CEP95: variants seen among roughly 807,000 people sequenced by gnomAD.
The protein encoded by CEP95 is centrosomal protein of 95 kDa.
Under a neutral mutation model 111.2 loss-of-function variants are expected in CEP95, and 98 were observed. The observed-to-expected ratio is 0.88, with a 90% confidence interval of 0.75 to 1.04. The LOEUF is 1.04. Among genes scored for constraint, CEP95 ranks in the 50% least tolerant of loss-of-function variants. CEP95 has a pLI of 0.00. For missense variants in CEP95, 1,027 were observed against 977.2 expected, an observed-to-expected ratio of 1.05 and a Z score of -0.68; for synonymous variants, 323 against 327.1, an observed-to-expected ratio of 0.99 and a Z score of 0.14.
chr17:64,507,293 G>T (rs996426449), intron 1 of CEP95, 177 bp downstream of exon 1: 40 of 1,466,878 alleles, frequency 2.7e-5, no homozygotes, highest in Non-Finnish European at 3.6e-5. Flanking sequence ...TCTTCGCTTC[G>T]AGGCCGTGGA....
chr17:64,534,498 GT>G, intron 16 of CEP95, 86 bp from the exon 17 acceptor site: 2 of 1,222,788 alleles, frequency 1.6e-6, no homozygotes, highest in Non-Finnish European at 2.3e-6. Flanking sequence ...TGAAGACATC[GT>G]GATGGGGAGT....
intron 1 of CEP95, chr17:64,507,442 C>A (rs1474332657): frequency 2.2e-6 from 3 of 1,336,628 alleles, no homozygotes; most frequent in Non-Finnish European, 2.9e-6. Flanking sequence ...TGTCCGTGTG[C>A]CCTCCGCCCT....
At position 64,534,669 on chromosome 17, in the gene CEP95, A is replaced by T. The variant is rs1555681152; in HGVS notation, c.2002A>T (p.Lys668Ter). 6.2e-7 allele frequency: 1 copy of T among 1,613,674 alleles called. No homozygotes were observed. The highest frequency in any genetic ancestry group is 2.2e-5 in the East Asian group (1 of 44,848). ...TCGACAGCAAATCGTTCGTGCTCGA[A>T]AATATTATGATGATTATAGAGTTCA... ...ENRQQIVRAR[K>*]YYDDYRVQLC... The change falls in exon 17 of 20, where the codon AAA (lysine) becomes TAA (stop). Residue 668 changes from lysine to a stop codon, truncating the protein, a stop_gained. Transcript: ENST00000556440. LOFTEE classifies it high-confidence loss of function.
intron 11 of CEP95, 116 bp downstream of exon 11, chr17:64,527,380 A>T (rs1225591324): frequency 4.1e-6 from 3 of 733,438 alleles, no homozygotes. Context: ...ATATAAAAGG[A>T]TCAAAAGTAA....
Position 64,522,952 on chromosome 17 carries a change from G to T in CEP95, c.909+57G>T, listed in dbSNP as rs558711488. 5.2e-6 allele frequency: 7 copies of T among 1,343,776 alleles called. No homozygotes were observed. In the South Asian group the frequency reaches 7.9e-5, roughly 15 times the overall value. 83.2% of individuals were successfully genotyped at this position (1,343,776 alleles called of 1,614,324 possible). ...GAAGTACACTTGTATGTATGTCTGT[G>T]TGTGTGTTGGTAATTGATTAGAAGG... On this transcript the variant is annotated intron_variant, in intron 8 of 19. Coordinates refer to ENST00000556440, the MANE Select transcript of CEP95 (RefSeq NM_138363.3).
rs1341508133 is a variant in CEP95 at position 64,536,480 on chromosome 17, A to G, written c.2071-122A>G. On this transcript the variant is annotated intron_variant, in intron 17 of 19. Transcript: ENST00000556440. ...AGGAGGTACATTTTATGGTATGTCA[A>G]AACATCTGAATAAAACTAGTATTTA... The G allele has an allele frequency of 4.7e-5, 30 of 643,280 alleles. No individual in the cohort carries two copies. The African/African-American group carries it at 5.1e-4, about 11-fold the overall frequency. 39.8% of individuals were successfully genotyped at this position (643,280 alleles called of 1,614,324 possible).
intron 17 of CEP95, 200 bp from the exon 18 acceptor site, chr17:64,536,402 C>T (rs1032276763): frequency 2.7e-6 from 1 of 367,520 alleles, no homozygotes; most frequent in Non-Finnish European, 4.9e-6. Context: ...TGAGTTGTGA[C>T]TGCCCCACTA....
intron 6 of CEP95, among the ~76,000 whole-genome samples, chr17:64,520,981 C>T (rs782089888): frequency 6.6e-6 from 1 of 152,128 alleles, no homozygotes; most frequent in African/African-American, 2.4e-5. Context: ...CAGTGGCTCA[C>T]GCCTGTAATC....
At position 64,519,320 on chromosome 17, in the gene CEP95, G is replaced by C; in HGVS notation, c.474-1G>C. 1.2e-6 allele frequency: 2 copies of C among 1,612,504 alleles called. No homozygotes were observed. Among genetic ancestry groups the C allele is most frequent in the South Asian group, 2.2e-5 (2 of 91,036 alleles). On this transcript the variant is annotated splice_acceptor_variant, in intron 5 of 19. Transcript: ENST00000556440. LOFTEE classifies it high-confidence loss of function. Reference sequence around the variant, plus strand: ...CTGAGTGAAGGAGGGAACTTTTCCAGGTGCTCCTTGTCTTCTGAGATGTTG... The same window carrying C: ...CTGAGTGAAGGAGGGAACTTTTCCACGTGCTCCTTGTCTTCTGAGATGTTG...
intron 18 of CEP95, 110 bp downstream of exon 18, chr17:64,536,858 C>T: frequency 1.5e-6 from 2 of 1,327,982 alleles, no homozygotes; most frequent in Non-Finnish European, 2.1e-6. Context: ...CTGAAGTTTG[C>T]ACTCTACAGA....
intron 11 of CEP95, 118 bp downstream of exon 11, chr17:64,527,382 C>A: frequency 1.4e-6 from 1 of 729,272 alleles, no homozygotes; most frequent in South Asian, 4.3e-5. Context: ...ATAAAAGGAT[C>A]AAAAGTAATA....
Position 64,537,782 on chromosome 17 carries a change from C to A in CEP95, c.*3C>A, listed in dbSNP as rs374714590. The stretch of plus-strand genomic sequence containing the variant: ...ACAGTAAAAGTCCCTCCCTATGAGG[C>A]CAGACTTGATAATAGTAGGTGAAGG... On this transcript the variant is annotated 3_prime_UTR_variant, in exon 20 of 20. Coordinates refer to ENST00000556440, the MANE Select transcript of CEP95 (RefSeq NM_138363.3). 6.4e-7 allele frequency: 1 copy of A among 1,565,782 alleles called. No homozygotes were observed. The highest frequency in any genetic ancestry group is 8.7e-7 in the Non-Finnish European group (1 of 1,153,176).
intron 8 of CEP95, among the ~76,000 whole-genome samples, chr17:64,524,305 G>C (rs982680986): frequency 3.3e-5 from 5 of 151,992 alleles, no homozygotes; most frequent in African/African-American, 1.2e-4. Flanking sequence ...TTAGTAAAAG[G>C]TTGTTTGTTT....
In CEP95 at chr17:64,510,100, C is replaced by G. The variant is rs530302094; in HGVS notation, c.149-73C>G. The G allele has an allele frequency of 7.7e-6, 6 of 782,330 alleles. No individual in the cohort carries two copies. The South Asian group carries it at 9.0e-5, about 12-fold the overall frequency. The allele number at this position is 782,330 out of a possible 1,614,324, so 48.5% of individuals were successfully genotyped here. ...TATAGCAGTTGAGCATATTCAGTAG[C>G]CTAGTCAGAGACAATGAGATGAAAA... On this transcript the variant is annotated intron_variant, in intron 2 of 19. Transcript: ENST00000556440.
chr17:64,506,926 A>T (rs2038562947), upstream of CEP95: 1 of 749,078 alleles, frequency 1.3e-6, no homozygotes, highest in African/African-American at 1.7e-5. Flanking sequence ...TCCTCTGATG[A>T]CCAATCAGCG....
Position 64,514,244 on chromosome 17 carries a change from C to A in CEP95, c.257-4C>A. ...TTTTTAATAGCTCTATATTCTGTCT[C>A]CAGGAGAAAATATAGTGAAAGGAGA... is the stretch of plus-strand genomic sequence containing the variant. On this transcript the variant is annotated splice_region_variant and splice_polypyrimidine_tract_variant and intron_variant, in intron 3 of 19. Coordinates refer to ENST00000556440, the MANE Select transcript of CEP95 (RefSeq NM_138363.3). 1 of 1,192,250 alleles carries A rather than the reference C, an allele frequency of 8.4e-7. No homozygotes were observed. The allele number at this position is 1,192,250 out of a possible 1,614,324, so 73.9% of individuals were successfully genotyped here.
intron 8 of CEP95, among the ~76,000 whole-genome samples, chr17:64,524,588 G>A (rs1170233398): frequency 1.3e-5 from 2 of 151,978 alleles, no homozygotes; most frequent in Non-Finnish European, 2.9e-5. Flanking sequence ...TGAGATTATA[G>A]GCATGAATCA....
At chr17:64,534,441 C>T in intron 16 of CEP95, 144 bp from the exon 17 acceptor site, 1 of 668,442 alleles carries the variant, frequency 1.5e-6, no homozygotes, top group Non-Finnish European at 2.5e-6. Flanking sequence ...CTGCCAAAGG[C>T]TGAAGGGCTT....
At chr17:64,531,434 C>T (rs1333055294) in intron 13 of CEP95, among the ~76,000 whole-genome samples, 1 of 152,038 alleles carries the variant, frequency 6.6e-6, no homozygotes, top group Non-Finnish European at 1.5e-5. Context: ...GTTACAGAAA[C>T]TAAGTGAAAT....
Sources: allele counts gnomAD v4.1 joint callset (sites outside exome capture counted in the v4.1 genomes callset), GRCh38; gene constraint gnomAD v4.1.1; transcripts MANE v1.5; gene names NCBI Gene and HGNC (gene_info 2026-07-23, HGNC 2026-07-21).